The following ZNF44 variants were observed in gnomAD, a reference collection of about 807,000 sequenced individuals.
The protein encoded by ZNF44 is zinc finger protein 44.
ZNF44 carries 9 observed loss-of-function variants against 11.7 expected under a neutral mutation model. The observed-to-expected ratio is 0.77, with a 90% CI of 0.46 to 1.35. The LOEUF is 1.35. Ranked by LOEUF, ZNF44 falls within the 40% of genes most tolerant of loss-of-function variation. The pLI is 0.00. For missense variants in ZNF44, 696 were observed against 743.1 expected (o/e 0.94, Z 0.74); for synonymous variants, 224 against 242.7 (o/e 0.92, Z 0.72).
rs1428903381 is a variant in ZNF44, at chr19:12,288,772, ATG to A, written c.3+5918_3+5919del. ...GACTCCGTCTCAAAAAAAAAAAAAA[ATG>A]TATATATATATATATATATATATAT... On this transcript the variant is annotated intron_variant, in intron 1 of 3. Transcript: ENST00000355684. Among the ~76,000 whole-genome samples the A allele has an allele frequency of 2.7e-4, 16 of 59,174 alleles. 1 individual carries two copies. Among genetic ancestry groups the A allele is most frequent in the African/African-American group, 9.5e-4 (15 of 15,796 alleles). 38.8% of individuals were successfully genotyped at this position (59,174 alleles called of 152,430 possible).
At chr19:12,260,614 C>T in intron 5 of ZNF44, 1 of 623,748 alleles carries the variant, frequency 1.6e-6, no homozygotes, top group South Asian at 2.0e-5. Context: ...AAAACAAAAA[C>T]AAAAACAAAA....
intron 6 of ZNF44, chr19:12,250,142 T>C: frequency 8.0e-7 from 1 of 1,252,126 alleles, no homozygotes; most frequent in Non-Finnish European, 1.0e-6. Context: ...ACAAAAGAAT[T>C]TTGCCTTTTC....
At position 12,273,544 on chromosome 19, in the gene ZNF44, G is replaced by A. The variant is rs763470356; in HGVS notation, c.711C>T (p.Tyr237=). 5.0e-6 allele frequency: 8 copies of A among 1,614,020 alleles called. No homozygotes were observed. The highest frequency in any genetic ancestry group is 1.7e-5 in the Admixed American group (1 of 60,012). The change falls in exon 4 of 4, where the codon TAC becomes TAT. Residue 237 remains tyrosine, a synonymous_variant. Transcript: ENST00000355684. ...TTTTTTCATGTCTTAGATAGGAACT[G>A]TAAACAGGGAAGGCTTTAGAACACT... ...CKQCSKAFPV[Y]SSYLRHEKIH...
chr19:12,276,235 G>A (rs1967214624), intron 1 of ZNF44, 153 bp from the exon 2 acceptor site: 1 of 1,195,988 alleles, frequency 8.4e-7, no homozygotes, highest in Admixed American at 2.0e-5. Context: ...TGCACTCACT[G>A]TCTGATGCTG....
At chr19:12,227,170 C>T (rs1292676978) in intron 3 of ZNF44, among the ~76,000 whole-genome samples, 3 of 152,242 alleles carry the variant, frequency 2.0e-5, no homozygotes, top group South Asian at 4.1e-4. Flanking sequence ...GAGTTCTGAA[C>T]GTTTTTCCTC....
intron 2 of ZNF44, among the ~76,000 whole-genome samples, chr19:12,275,408 G>A (rs1280241932): frequency 6.6e-6 from 1 of 152,096 alleles, no homozygotes; most frequent in African/African-American, 2.4e-5. Context: ...CAGCACTTTG[G>A]GAGGCCGAGG....
At chr19:12,227,949 T>C (rs1308678650) in intron 3 of ZNF44, among the ~76,000 whole-genome samples, 1 of 152,242 alleles carries the variant, frequency 6.6e-6, no homozygotes, top group Non-Finnish European at 1.5e-5. Context: ...TCAATTTTAA[T>C]GTTTGACCAT....
At chr19:12,284,365 G>A (rs1447556359) in intron 1 of ZNF44, 2 of 588,326 alleles carry the variant, frequency 3.4e-6, no homozygotes, top group Admixed American at 4.8e-5. Flanking sequence ...GCAGCGCGGG[G>A]GTCCAGAGGC....
chr19:12,264,219 C>T (rs1391638256), intron 5 of ZNF44, among the ~76,000 whole-genome samples: 2 of 152,222 alleles, frequency 1.3e-5, no homozygotes, highest in African/African-American at 2.4e-5. Context: ...TTCCAATGCT[C>T]AGTTTCTGTC....
intron 5 of ZNF44, among the ~76,000 whole-genome samples, chr19:12,258,057 C>G (rs961769987): frequency 2.0e-5 from 3 of 149,390 alleles, no homozygotes; most frequent in Non-Finnish European, 4.4e-5. Context: ...AGTGCAGTGG[C>G]TCATGTCCGT....
At chr19:12,293,466 C>T (rs1423289671) in intron 1 of ZNF44, 4 of 1,308,772 alleles carry the variant, frequency 3.1e-6, no homozygotes, top group Non-Finnish European at 4.0e-6. Flanking sequence ...AAAAGAGGCA[C>T]AAAGGTTTGG....
intron 5 of ZNF44, among the ~76,000 whole-genome samples, chr19:12,256,697 CTTTTTTTT>C (rs950614463): frequency 1.9e-5 from 2 of 102,814 alleles, no homozygotes; most frequent in African/African-American, 9.7e-5. Context: ...AGCAATTACT[CTTTTTTTT>C]TTTTTTTTTT....
chr19:12,261,736 C>G (rs1321220328), intron 5 of ZNF44, among the ~76,000 whole-genome samples: 2 of 152,158 alleles, frequency 1.3e-5, no homozygotes, highest in African/African-American at 4.8e-5. Context: ...GAAACACTAA[C>G]AGATGCACAA....
At chr19:12,225,008 C>G (rs1473977955), downstream of ZNF44, 1 of 152,172 alleles carries the variant, frequency 6.6e-6, no homozygotes, top group East Asian at 1.9e-4. Context: ...TGACCTTAGC[C>G]ATTAGGCTGA....
upstream of ZNF44, among the ~76,000 whole-genome samples, chr19:12,240,485 G>A (rs1036351723): frequency 3.1e-4 from 46 of 147,032 alleles, no homozygotes; most frequent in African/African-American, 6.8e-4. Flanking sequence ...CAACCCTAAC[G>A]TTCATTTGGA....
intron 5 of ZNF44, among the ~76,000 whole-genome samples, chr19:12,265,561 C>T (rs1407754244): frequency 1.3e-5 from 2 of 152,076 alleles, no homozygotes; most frequent in Admixed American, 6.6e-5. Context: ...GTGATAAAGC[C>T]GGGGAGGCTC....
chr19:12,270,761 A>G (rs1408322994), downstream of ZNF44, among the ~76,000 whole-genome samples: 2 of 152,174 alleles, frequency 1.3e-5, no homozygotes, highest in South Asian at 2.1e-4. Context: ...CCCCACCTCA[A>G]TATTTATACA....
intron 1 of ZNF44, among the ~76,000 whole-genome samples, chr19:12,282,506 C>T (rs1967518206): frequency 6.7e-6 from 1 of 148,696 alleles, no homozygotes; most frequent in Non-Finnish European, 1.5e-5. Context: ...ACTGCAACCT[C>T]CGCCTCCCAG....
chr19:12,251,517 ATTTC>A (rs1238263863), intron 5 of ZNF44, among the ~76,000 whole-genome samples: 1 of 152,032 alleles, frequency 6.6e-6, no homozygotes, highest in Non-Finnish European at 1.5e-5. Context: ...TCAGAGACTT[ATTTC>A]TTTCTGTCCC....
Sources: allele counts gnomAD v4.1 joint callset (sites outside exome capture counted in the v4.1 genomes callset), GRCh38; gene constraint gnomAD v4.1.1; transcripts MANE v1.5; gene names NCBI Gene and HGNC (gene_info 2026-07-23, HGNC 2026-07-21).